Variants in GALNT13 observed in about 807,000 individuals in gnomAD.
GALNT13 encodes polypeptide N-acetylgalactosaminyltransferase 13.
A neutral mutation model predicts 64.2 loss-of-function variants in GALNT13; 28 were observed. The observed-to-expected ratio is 0.44, with a 90% CI of 0.32 to 0.60. The LOEUF (loss-of-function observed/expected upper bound fraction) is 0.60. Among genes scored for constraint, GALNT13 ranks in the 20% least tolerant of loss-of-function variants. GALNT13 has a pLI of 0.05. For synonymous variants in GALNT13, 214 were observed against 224.6 expected, an observed-to-expected ratio of 0.95 and a Z score of 0.42; for missense variants, 577 against 669.8, an observed-to-expected ratio of 0.86 and a Z score of 1.53.
chr2:153,556,491 T>G, the GALNT13 span, among the ~76,000 whole-genome samples: 1 of 152,236 alleles, frequency 6.6e-6, no homozygotes, highest in African/African-American at 2.4e-5. Context: ...GAAAAAGATT[T>G]CCTTACTAAT....
the GALNT13 span, among the ~76,000 whole-genome samples, chr2:153,256,433 T>C: frequency 9.2e-5 from 14 of 151,958 alleles, no homozygotes; most frequent in Non-Finnish European, 1.9e-4. Flanking sequence ...TAGCTCGGAG[T>C]AATTTGATCA....
At chr2:154,094,296 G>T (rs1363841974) in intron 3 of GALNT13, among the ~76,000 whole-genome samples, 12 of 151,880 alleles carry the variant, frequency 7.9e-5, no homozygotes, top group Admixed American at 7.9e-4. Context: ...AAATATCTGG[G>T]CCATGTCCTG....
chr2:154,353,474 A>G (rs575234778), intron 9 of GALNT13, among the ~76,000 whole-genome samples: 1 of 152,232 alleles, frequency 6.6e-6, no homozygotes, highest in East Asian at 1.9e-4. Flanking sequence ...CCCTAATACA[A>G]TACAAATTTA....
chr2:153,755,394 C>G, the GALNT13 span, among the ~76,000 whole-genome samples: 1 of 152,024 alleles, frequency 6.6e-6, no homozygotes, highest in South Asian at 2.1e-4. Context: ...TTCCCATTTG[C>G]CCACATCCTG....
intron 4 of GALNT13, among the ~76,000 whole-genome samples, chr2:154,218,697 G>A (rs1189548861): frequency 1.3e-5 from 2 of 151,918 alleles, no homozygotes; most frequent in East Asian, 3.9e-4. Flanking sequence ...TTGAATCTTA[G>A]CCATATTTTC....
At position 154,259,052 on chromosome 2, in the gene GALNT13, A is replaced by G. The variant is rs149673345; in HGVS notation, c.889A>G (p.Ile297Val). 6 of 1,606,838 alleles carry G rather than the reference A, an allele frequency of 3.7e-6. No individual in the cohort carries two copies. The highest frequency in any genetic ancestry group is 1.7e-4 in the Middle Eastern group (1 of 6,044). ...TPTMAGGLFS[I>V]DRNYFEEIGT... The stretch of plus-strand genomic sequence containing the variant: ...TACTATGGCTGGTGGCCTATTTTCT[A>G]TTGACAGAAACTACTTTGAAGAGAT... The change falls in exon 8 of 13, where the codon ATT (isoleucine) becomes GTT (valine). Residue 297 changes from isoleucine to valine, a missense_variant. Ile to Val is a conservative substitution (Grantham distance 29). Coordinates refer to ENST00000392825, the MANE Select transcript of GALNT13 (RefSeq NM_052917.4).
the GALNT13 span, among the ~76,000 whole-genome samples, chr2:153,404,721 C>A: frequency 6.6e-6 from 1 of 151,852 alleles, no homozygotes; most frequent in Non-Finnish European, 1.5e-5. Context: ...GTATTAATCA[C>A]TAGGAAAAAA....
At chr2:154,392,904 G>A (rs987853715) in intron 9 of GALNT13, among the ~76,000 whole-genome samples, 1 of 152,192 alleles carries the variant, frequency 6.6e-6, no homozygotes, top group Non-Finnish European at 1.5e-5. Context: ...TAACAGTAGA[G>A]TGGCTGAGGA....
intron 9 of GALNT13, among the ~76,000 whole-genome samples, chr2:154,331,469 ATT>A (rs147714010): frequency 6.6e-6 from 1 of 150,560 alleles, no homozygotes; most frequent in Non-Finnish European, 1.5e-5. Context: ...TGCCCACACA[ATT>A]TTTTTTTTTT....
At chr2:153,457,217 TTGTGTTTTA>T in the GALNT13 span, among the ~76,000 whole-genome samples, 1 of 152,192 alleles carries the variant, frequency 6.6e-6, no homozygotes, top group Non-Finnish European at 1.5e-5. Context: ...AGCAATTCAC[TTGTGTTTTA>T]TGTGGAGGTA....
chr2:153,497,028 A>G, the GALNT13 span, among the ~76,000 whole-genome samples: 6 of 152,008 alleles, frequency 3.9e-5, no homozygotes, highest in South Asian at 1.3e-3. Context: ...AAAGAAAAAA[A>G]AGAATGTATC....
chr2:153,652,967 T>C, the GALNT13 span, among the ~76,000 whole-genome samples: 1 of 152,098 alleles, frequency 6.6e-6, no homozygotes, highest in African/African-American at 2.4e-5. Context: ...GTATAAGATA[T>C]ATATACATAT....
At chr2:153,219,868 C>T in the GALNT13 span, among the ~76,000 whole-genome samples, 1 of 152,126 alleles carries the variant, frequency 6.6e-6, no homozygotes, top group East Asian at 1.9e-4. Context: ...TGTAGAATGT[C>T]GTATCTTCTT....
chr2:153,864,508 G>T, the GALNT13 span, among the ~76,000 whole-genome samples: 3 of 152,074 alleles, frequency 2.0e-5, no homozygotes, highest in Non-Finnish European at 4.4e-5. Context: ...TTTGCACATT[G>T]ATTTTGTATC....
the GALNT13 span, among the ~76,000 whole-genome samples, chr2:153,103,711 CT>C: frequency 1.3e-5 from 2 of 152,196 alleles, no homozygotes; most frequent in Non-Finnish European, 1.5e-5. Context: ...TATACATTGT[CT>C]GTCTCTCTAC....
the GALNT13 span, among the ~76,000 whole-genome samples, chr2:153,839,767 C>A: frequency 6.6e-6 from 1 of 151,688 alleles, no homozygotes; most frequent in Non-Finnish European, 1.5e-5. Context: ...ACAGGAAAAT[C>A]TGGGCCCATG....
At chr2:153,482,486 T>C in the GALNT13 span, among the ~76,000 whole-genome samples, 12 of 152,340 alleles carry the variant, frequency 7.9e-5, no homozygotes, top group African/African-American at 2.9e-4. Flanking sequence ...TTTTTGTTTT[T>C]TGAGATGGTG....
chr2:153,947,403 T>G (rs189149212), intron 3 of GALNT13, among the ~76,000 whole-genome samples: 28 of 152,068 alleles, frequency 1.8e-4, no homozygotes, highest in African/African-American at 6.5e-4. Flanking sequence ...TATATGATGG[T>G]GATCCCATAA....
intron 11 of GALNT13, among the ~76,000 whole-genome samples, chr2:154,416,175 A>G (rs1404532300): frequency 6.6e-6 from 1 of 152,062 alleles, no homozygotes; most frequent in South Asian, 2.1e-4. Context: ...GTCTTAGTCT[A>G]TCTGGGTTGC....
Sources: gnomAD v4.1 joint callset for allele counts (sites outside exome capture counted in the v4.1 genomes callset) on GRCh38, gnomAD v4.1.1 for gene constraint, MANE v1.5 for transcripts, NCBI Gene and HGNC (gene_info 2026-07-23, HGNC 2026-07-21) for gene names.